The following DNAH11 variants were observed in gnomAD, a reference collection of about 807,000 sequenced individuals.
The protein encoded by DNAH11 is axonemal beta dynein heavy chain 11.
A neutral mutation model predicts 526.0 loss-of-function variants in DNAH11; 442 were observed. The observed-to-expected ratio is 0.84, with a 90% confidence interval of 0.78 to 0.91. DNAH11 has a LOEUF of 0.91. Among genes scored for constraint, DNAH11 ranks in the 40% least tolerant of loss-of-function variants. The pLI, the probability that DNAH11 is intolerant of heterozygous loss-of-function variation, is 0.00. For synonymous variants in DNAH11, 2,461 were observed against 1,935.9 expected (o/e 1.27, Z -7.12); for missense variants, 6,989 against 5,448.7 (o/e 1.28, Z -8.90).
intron 65 of DNAH11, among the ~76,000 whole-genome samples, chr7:21,827,607 A>T (rs1583744251): frequency 6.6e-6 from 1 of 151,942 alleles, no homozygotes; most frequent in East Asian, 1.9e-4. Flanking sequence ...TCTAGAAAGG[A>T]ACTTAAAATT....
In DNAH11 at chr7:21,901,312, T is replaced by C. The variant is rs1784825645; in HGVS notation, c.*58T>C. 1.2e-5 allele frequency: 18 copies of C among 1,482,770 alleles called. No homozygotes were observed. The South Asian group carries it at 2.7e-4, about 22-fold the overall frequency. 91.9% of individuals were successfully genotyped at this position (1,482,770 alleles called of 1,614,324 possible). A position where few individuals can be genotyped will look rare whatever the true frequency, so the allele number is the denominator to read the frequency against. ...AGTGCAGTGAGGATTTTCTAGCATG[T>C]TGCTGCACTGTTCCCATGCACATTA... On this transcript the variant is annotated 3_prime_UTR_variant, in exon 82 of 82. Coordinates refer to ENST00000409508, the MANE Select transcript of DNAH11 (RefSeq NM_001277115.2).
At chr7:21,851,589 G>C in intron 66 of DNAH11, 2 of 471,574 alleles carry the variant, frequency 4.2e-6, no homozygotes, top group Non-Finnish European at 8.8e-6. Flanking sequence ...GCCCAGAGCT[G>C]GTGTAGATTT....
At chr7:21,739,018 A>G (rs1321188340) in intron 47 of DNAH11, among the ~76,000 whole-genome samples, 152 bp downstream of exon 47, 1 of 152,164 alleles carries the variant, frequency 6.6e-6, no homozygotes, top group Admixed American at 6.5e-5. Context: ...CTTCTAAGGA[A>G]TATCTTTTGG....
chr7:21,844,620 G>A (rs1007209032), intron 66 of DNAH11, among the ~76,000 whole-genome samples: 2 of 152,258 alleles, frequency 1.3e-5, no homozygotes, highest in African/African-American at 4.8e-5. Context: ...TTCTCAAACT[G>A]GGGGTCCTGG....
chr7:21,569,694 G>C (rs375891794), intron 6 of DNAH11, among the ~76,000 whole-genome samples: 2 of 152,264 alleles, frequency 1.3e-5, no homozygotes, highest in Admixed American at 1.3e-4. Context: ...AAAAATTCAT[G>C]TTCTGATAGA....
chr7:21,744,655 G>A lies in DNAH11; in HGVS notation c.8316+56G>A. On this transcript the variant is annotated intron_variant, in intron 50 of 81. Transcript: ENST00000409508. ...TACTCCAACACCAACTGGGTATTGG[G>A]ACTAAAGTTAGATGAGGGTATGAGA... 6 of 1,587,082 alleles carry A rather than the reference G, an allele frequency of 3.8e-6. No individual in the cohort carries two copies. The South Asian group carries it at 4.6e-5, about 12-fold the overall frequency.
chr7:21,769,494 T>C (rs3061427), intron 55 of DNAH11, among the ~76,000 whole-genome samples: 12 of 151,938 alleles, frequency 7.9e-5, no homozygotes. Context: ...GTTTTTTTTT[T>C]CTTTTTTTGA....
chr7:21,617,659 C>T lies in DNAH11; in HGVS notation c.4136C>T (p.Ala1379Val). 1.2e-6 allele frequency: 2 copies of T among 1,613,862 alleles called. No homozygotes were observed. Among genetic ancestry groups the T allele is most frequent in the Non-Finnish European group, 1.7e-6 (2 of 1,179,820 alleles). Residue 1379 changes from alanine (A) to valine (V), a missense_variant, in exon 23 of 82, where the codon GCT becomes GTT. Physicochemically the swap from Ala to Val is moderately conservative, Grantham distance 64 (BLOSUM62 0). Transcript: ENST00000409508. ...SLNKEVRVWD[A>V]YTGLEGTVKD... ...AACAAGGAAGTCCGCGTCTGGGATGCTTACACGGGCCTGGAAGGCACAGTT... is the reference window on the plus strand; with the variant it reads ...AACAAGGAAGTCCGCGTCTGGGATGTTTACACGGGCCTGGAAGGCACAGTT...
At chr7:21,787,292 C>A in intron 59 of DNAH11, 109 bp from the exon 60 acceptor site, 1 of 1,058,356 alleles carries the variant, frequency 9.4e-7, no homozygotes, top group Non-Finnish European at 1.3e-6. Flanking sequence ...TGCAGCTTGC[C>A]AATTTTGCTT....
intron 57 of DNAH11, among the ~76,000 whole-genome samples, chr7:21,781,296 C>T (rs938406693): frequency 5.9e-5 from 9 of 152,100 alleles, no homozygotes; most frequent in Admixed American, 3.9e-4. Flanking sequence ...AATGTCTTGC[C>T]GTGAACCTTG....
At position 21,784,488 on chromosome 7, in the gene DNAH11, A is replaced by T. The variant is rs781527341; in HGVS notation, c.9545A>T (p.Lys3182Met). ...KQRECEADLL[K>M]AEPALVAATA... ...AGAGAATGTGAAGCTGACTTACTCA[A>T]GGCTGAGCCTGCACTGGTGGCTGCT... The change falls in exon 58 of 82, where the codon AAG becomes ATG. Residue 3182 changes from lysine to methionine, a missense_variant. Coordinates refer to ENST00000409508, the MANE Select transcript of DNAH11 (RefSeq NM_001277115.2). 19 of 1,613,566 alleles carry T rather than the reference A, an allele frequency of 1.2e-5. No homozygotes were observed. The highest frequency in any genetic ancestry group is 1.5e-5 in the Non-Finnish European group (18 of 1,179,702).
rs760222562 is a variant in DNAH11 at position 21,637,574 on chromosome 7, TC to T, written c.4726-36del. On this transcript the variant is annotated intron_variant, in intron 26 of 81. Transcript: ENST00000409508. ...TGATTAAAAGTTTAGAAAAGATTGT[TC>T]TAATATCCACGGCCCCGTATTGTAC... is the stretch of plus-strand genomic sequence containing the variant. 9 of 1,276,942 alleles carry T rather than the reference TC, an allele frequency of 7.0e-6. No individual in the cohort carries two copies. The Admixed American group carries it at 1.8e-4, about 25-fold the overall frequency. 79.1% of individuals were successfully genotyped at this position (1,276,942 alleles called of 1,614,324 possible). A position where few individuals can be genotyped will look rare whatever the true frequency, so the allele number is the denominator to read the frequency against.
At chr7:21,559,857 T>C in intron 4 of DNAH11, 65 bp downstream of exon 4, 2 of 1,342,576 alleles carry the variant, frequency 1.5e-6, no homozygotes, top group South Asian at 1.3e-5. Flanking sequence ...CAATGACCAA[T>C]AGTTTTAAAG....
chr7:21,595,760 A>T (rs570763629), intron 14 of DNAH11, among the ~76,000 whole-genome samples: 1 of 151,568 alleles, frequency 6.6e-6, no homozygotes. Context: ...GGAGGAGTGG[A>T]TGGCAATGAT....
chr7:21,811,668 A>G (rs1461500339), intron 63 of DNAH11, among the ~76,000 whole-genome samples: 1 of 152,146 alleles, frequency 6.6e-6, no homozygotes, highest in African/African-American at 2.4e-5. Context: ...AACAATGTGA[A>G]TGTACTTAAT....
At position 21,590,977 on chromosome 7, in the gene DNAH11, A is replaced by G. The variant is rs372890947; in HGVS notation, c.2229A>G (p.Pro743=). 6.6e-7 allele frequency: 1 copy of G among 1,520,510 alleles called. No homozygotes were observed. The highest frequency in any genetic ancestry group is 1.4e-5 in the African/African-American group (1 of 69,470). The allele number at this position is 1,520,510 out of a possible 1,614,324, so 94.2% of individuals were successfully genotyped here. A position where few individuals can be genotyped will look rare whatever the true frequency, so the allele number is the denominator to read the frequency against. The change falls in exon 13 of 82, where the codon CCA becomes CCG. Residue 743 remains proline (P), a synonymous_variant. Transcript: ENST00000409508. ...TGATGTTGAAGAAACAAGACATACCAGATTCAGCTTTAGCCATCTTCAAGA... is the reference window on the plus strand; with the variant it reads ...TGATGTTGAAGAAACAAGACATACCGGATTCAGCTTTAGCCATCTTCAAGA... ...YLLMLKKQDI[P]DSALAIFKKR...
chr7:21,738,911 T>G lies in DNAH11; in HGVS notation c.7811+45T>G, dbSNP rs940435. On this transcript the variant is annotated intron_variant, in intron 47 of 81. Coordinates refer to ENST00000409508, the MANE Select transcript of DNAH11 (RefSeq NM_001277115.2). ...TTACTCTCTCCCAAAATCTAATAAT[T>G]ATTATGGATAATAATTACTATGGAT... 0.044 allele frequency: 61,387 copies of G among 1,406,302 alleles called. 2,976 individuals carry two copies. The highest frequency in any genetic ancestry group is 0.24 in the African/African-American group (16,489 of 67,562). 87.1% of individuals were successfully genotyped at this position (1,406,302 alleles called of 1,614,324 possible). A position where few individuals can be genotyped will look rare whatever the true frequency, so the allele number is the denominator to read the frequency against.
chr7:21,558,673 CTT>C, intron 2 of DNAH11, 127 bp from the exon 3 acceptor site: 1 of 674,652 alleles, frequency 1.5e-6, no homozygotes, highest in South Asian at 2.1e-5. Context: ...TTTATCCTCT[CTT>C]TGTAGATTTG....
At chr7:21,774,300 G>A (rs957739058) in intron 56 of DNAH11, among the ~76,000 whole-genome samples, 3 of 152,184 alleles carry the variant, frequency 2.0e-5, no homozygotes, top group South Asian at 2.1e-4. Flanking sequence ...TTCAGTGCAC[G>A]GTACTTGTCG....
Sources: gnomAD v4.1 joint callset for allele counts (sites outside exome capture counted in the v4.1 genomes callset) on GRCh38, gnomAD v4.1.1 for gene constraint, MANE v1.5 for transcripts, NCBI Gene and HGNC (gene_info 2026-07-23, HGNC 2026-07-21) for gene names.